The following RPA1 variants were observed in gnomAD, a reference collection of about 807,000 sequenced individuals.
RPA1 encodes the protein replication protein A1.
RPA1 carries 49 observed loss-of-function variants against 83.0 expected under a neutral mutation model. The observed-to-expected ratio is 0.59, with a 90% CI of 0.47 to 0.75. The LOEUF is 0.75. RPA1 is among the 30% of genes least tolerant of loss of function. The pLI, the probability that RPA1 is intolerant of heterozygous loss-of-function variation, is 0.00. For missense variants in RPA1, 693 were observed against 776.1 expected (o/e 0.89, Z 1.27); for synonymous variants, 279 against 281.8 (o/e 0.99, Z 0.10).
intron 5 of RPA1, among the ~76,000 whole-genome samples, chr17:1,868,428 G>C (rs1913264152): frequency 6.6e-6 from 1 of 152,168 alleles, no homozygotes; most frequent in Non-Finnish European, 1.5e-5. Context: ...GAGGTGACCA[G>C]TACAATTAAG....
At chr17:1,893,712 GGAGT>G (rs1038278115) in intron 15 of RPA1, among the ~76,000 whole-genome samples, 18 of 151,598 alleles carry the variant, frequency 1.2e-4, no homozygotes, top group Non-Finnish European at 2.5e-4. Context: ...TTGCATTTGA[GGAGT>G]GAGAGAGGGA....
At chr17:1,862,778 C>T (rs1317080585) in intron 5 of RPA1, among the ~76,000 whole-genome samples, 5 of 130,752 alleles carry the variant, frequency 3.8e-5, no homozygotes, top group Non-Finnish European at 6.2e-5. Context: ...CTGGAGTGCA[C>T]TGGAACGATC....
Position 1,897,267 on chromosome 17 carries a change from A to G in RPA1, c.*92A>G, listed in dbSNP as rs1914478061. 1 of 964,896 alleles carries G rather than the reference A, an allele frequency of 1.0e-6. No individual in the cohort carries two copies. The highest frequency in any genetic ancestry group is 2.6e-5 in the East Asian group (1 of 38,086). The allele number at this position is 964,896 out of a possible 1,614,324, so 59.8% of individuals were successfully genotyped here. A position where few individuals can be genotyped will look rare whatever the true frequency, so the allele number is the denominator to read the frequency against. On this transcript the variant is annotated 3_prime_UTR_variant, in exon 17 of 17. Transcript: ENST00000254719. The stretch of plus-strand genomic sequence containing the variant: ...CGTGTGACGATCCCATGTTAGCTAC[A>G]CAGTGCAGAGGCTCTTGATGGTGGA...
chr17:1,889,537 C>T lies in RPA1; in HGVS notation c.1551+686C>T, dbSNP rs569672228. 2.6e-5 allele frequency among the ~76,000 whole-genome samples: 4 copies of T among 152,114 alleles called. No homozygotes were observed. The East Asian group carries it at 5.8e-4, about 22-fold the overall frequency. ...TTATTTTATTGTAGAGACAGGGTCT[C>T]GCTCTGCTGTTCAGGTTGGTCTCAA... On this transcript the variant is annotated intron_variant, in intron 14 of 16. Transcript: ENST00000254719.
intron 5 of RPA1, among the ~76,000 whole-genome samples, chr17:1,871,326 T>C (rs1913369957): frequency 1.3e-5 from 2 of 152,212 alleles, no homozygotes; most frequent in Admixed American, 1.3e-4. Flanking sequence ...TCTCATTTAG[T>C]TGTGCCAGTT....
At chr17:1,863,111 C>A (rs902666635) in intron 5 of RPA1, among the ~76,000 whole-genome samples, 5 of 151,994 alleles carry the variant, frequency 3.3e-5, no homozygotes, top group Non-Finnish European at 7.4e-5. Flanking sequence ...GTAGCCTCAA[C>A]CTCCCAGGCT....
intron 1 of RPA1, among the ~76,000 whole-genome samples, chr17:1,841,209 A>G (rs1414334984): frequency 1.3e-5 from 2 of 152,244 alleles, no homozygotes; most frequent in Non-Finnish European, 2.9e-5. Context: ...AACTTGCTAA[A>G]TCAACTTACT....
At chr17:1,881,872 T>C (rs1197240779) in intron 12 of RPA1, among the ~76,000 whole-genome samples, 1 of 62,412 alleles carries the variant, frequency 1.6e-5, no homozygotes, top group African/African-American at 5.4e-5. Context: ...AGAGTTTTTA[T>C]TGTAAGAAGG....
chr17:1,842,746 T>C (rs1567802405), intron 1 of RPA1, 57 bp from the exon 2 acceptor site: 1 of 1,467,332 alleles, frequency 6.8e-7, no homozygotes, highest in Non-Finnish European at 9.5e-7. Flanking sequence ...TAAAAACATG[T>C]CATTTTCATC....
chr17:1,840,601 G>A (rs1190430647), intron 1 of RPA1, among the ~76,000 whole-genome samples: 1 of 152,018 alleles, frequency 6.6e-6, no homozygotes, highest in African/African-American at 2.4e-5. Context: ...TATAGAGACA[G>A]GTCTCCTTCT....
At chr17:1,878,755 G>A (rs1354993412) in intron 8 of RPA1, among the ~76,000 whole-genome samples, 2 of 152,196 alleles carry the variant, frequency 1.3e-5, no homozygotes, top group Non-Finnish European at 1.5e-5. Context: ...CATGATTATG[G>A]GATCGGCTAG....
chr17:1,838,308 A>G (rs72822499), intron 1 of RPA1, among the ~76,000 whole-genome samples: 49,391 of 150,596 alleles, frequency 0.33, 10,343 homozygotes, highest in Non-Finnish European at 0.48. Context: ...TAATTAAATA[A>G]ATAAAATAAA....
At chr17:1,838,264 C>A (rs1417312765) in intron 1 of RPA1, among the ~76,000 whole-genome samples, 1 of 151,268 alleles carries the variant, frequency 6.6e-6, no homozygotes, top group East Asian at 1.9e-4. Flanking sequence ...GCACTCCAGC[C>A]TGGGCAACAG....
rs1260484801 is a variant in RPA1, at chr17:1,880,594, C to T, written c.1144C>T (p.Arg382Ter). 1 of 1,613,986 alleles carries T rather than the reference C, an allele frequency of 6.2e-7. No homozygotes were observed. The highest frequency in any genetic ancestry group is 8.5e-7 in the Non-Finnish European group (1 of 1,179,982). ...GCCCGTGTTGGCTATCAAAGGAGCC[C>T]GAGTCTCTGATTTCGGTGGACGGAG... ...RQPVLAIKGA[R>*]VSDFGGRSLS... Residue 382 changes from arginine to a stop codon, truncating the protein, a stop_gained, in exon 12 of 17, where the codon CGA (arginine) becomes TGA (stop). Transcript: ENST00000254719. LOFTEE classifies it high-confidence loss of function.
Position 1,890,074 on chromosome 17 carries a change from A to G in RPA1, c.1551+1223A>G, listed in dbSNP as rs116975358. Among the ~76,000 whole-genome samples the G allele has an allele frequency of 5.9e-5, 9 of 152,278 alleles. No homozygotes were observed. In the East Asian group the frequency reaches 1.7e-3, roughly 29 times the overall value. Reference sequence around the variant, plus strand: ...TGGCAGTAATATATCAGAAGCCTGAAAAATGTTCATATTGGCCAGGCGCAG... The same window carrying G: ...TGGCAGTAATATATCAGAAGCCTGAGAAATGTTCATATTGGCCAGGCGCAG... On this transcript the variant is annotated intron_variant, in intron 14 of 16. Transcript: ENST00000254719.
intron 6 of RPA1, among the ~76,000 whole-genome samples, chr17:1,874,801 C>T (rs142604217): frequency 2.3e-4 from 35 of 152,194 alleles, no homozygotes; most frequent in African/African-American, 8.2e-4. Context: ...CTAATTACTA[C>T]GAATGCCTAG....
chr17:1,889,508 A>T (rs1914126264), intron 14 of RPA1, among the ~76,000 whole-genome samples: 1 of 151,870 alleles, frequency 6.6e-6, no homozygotes, highest in African/African-American at 2.4e-5. Flanking sequence ...GCTAATTTTT[A>T]AAATTATTTT....
At position 1,884,549 on chromosome 17, in the gene RPA1, G is replaced by T. The variant is rs1196401262; in HGVS notation, c.1374+605G>T. 1.3e-5 allele frequency among the ~76,000 whole-genome samples: 2 copies of T among 152,130 alleles called. No individual in the cohort carries two copies. Among genetic ancestry groups the T allele is most frequent in the Non-Finnish European group, 2.9e-5 (2 of 68,014 alleles). On this transcript the variant is annotated intron_variant, in intron 13 of 16. Transcript: ENST00000254719. This position sits in a 1 kb window ranked among gnomAD's most constrained non-coding sequence, Gnocchi z 4.1. ...TGTTCTGCCAGCAGTTTAGTATTTA[G>T]ATCATTTATTTCTCCTTTACGCCTG...
At chr17:1,842,988 A>G (rs891167777) in intron 2 of RPA1, 135 bp downstream of exon 2, 2 of 804,396 alleles carry the variant, frequency 2.5e-6, no homozygotes, top group Non-Finnish European at 4.2e-6. Context: ...AGGCCAGTCT[A>G]CATTGTAACC....
Sources: allele counts gnomAD v4.1 joint callset (sites outside exome capture counted in the v4.1 genomes callset), GRCh38; gene constraint gnomAD v4.1.1; non-coding constraint Gnocchi (gnomAD v3.1); transcripts MANE v1.5; gene names NCBI Gene and HGNC (gene_info 2026-07-23, HGNC 2026-07-21).